The following CNTLN variants were observed in gnomAD, a reference collection of about 807,000 sequenced individuals.
CNTLN encodes centlein, centrosomal protein.
A neutral mutation model predicts 180.0 loss-of-function variants in CNTLN; 212 were observed. The ratio of observed to expected loss-of-function variants is 1.18; its 90% CI spans 1.05 to 1.32. The LOEUF (loss-of-function observed/expected upper bound fraction) is 1.32, where lower values mean the gene tolerates loss of function less well. Among genes scored for constraint, CNTLN ranks in the 40% most tolerant of loss-of-function variants. The probability of loss-of-function intolerance (pLI) is 0.00; values close to 1 mark genes in which losing one functional copy is unlikely to be tolerated. For synonymous variants in CNTLN, 722 were observed against 563.1 expected (o/e 1.28, Z -3.99); for missense variants, 2,095 against 1,610.9 (o/e 1.30, Z -5.14).
At position 17,502,684 on chromosome 9, in the gene CNTLN, A is replaced by G; in HGVS notation, c.*32A>G. 1.1e-6 allele frequency: 1 copy of G among 879,802 alleles called. No homozygotes were observed. Among genetic ancestry groups the G allele is most frequent in the Non-Finnish European group, 1.7e-6 (1 of 587,062 alleles). The allele number at this position is 879,802 out of a possible 1,614,324, so 54.5% of individuals were successfully genotyped here. On this transcript the variant is annotated 3_prime_UTR_variant, in exon 26 of 26. Coordinates refer to ENST00000380647, the MANE Select transcript of CNTLN (RefSeq NM_017738.4). ...AATGGAGAGCTTTATTGCAAATGTGAAAACTTTTTATGTGGTGTGATTGGA... is the reference window on the plus strand; with the variant it reads ...AATGGAGAGCTTTATTGCAAATGTGGAAACTTTTTATGTGGTGTGATTGGA...
intron 7 of CNTLN, chr9:17,298,962 G>C (rs1818147217): frequency 1.0e-6 from 1 of 984,412 alleles, no homozygotes; most frequent in Non-Finnish European, 1.2e-6. Context: ...TACCTTTATT[G>C]GCCGGGCATG....
intron 2 of CNTLN, among the ~76,000 whole-genome samples, chr9:17,177,680 T>A (rs932305586): frequency 6.6e-6 from 1 of 151,060 alleles, no homozygotes; most frequent in Non-Finnish European, 1.5e-5. Flanking sequence ...ACATCCGGAG[T>A]TGTTCGTTCC....
At chr9:17,364,430 A>G (rs1331639675) in intron 12 of CNTLN, among the ~76,000 whole-genome samples, 1 of 151,682 alleles carries the variant, frequency 6.6e-6, no homozygotes, top group East Asian at 1.9e-4. Context: ...ATTAATTTTC[A>G]TTGCTTTATT....
chr9:17,291,265 A>T (rs34256131), intron 6 of CNTLN, among the ~76,000 whole-genome samples: 2 of 152,048 alleles, frequency 1.3e-5, no homozygotes, highest in East Asian at 3.9e-4. Flanking sequence ...TGTGTCGCCA[A>T]GAAGAATATA....
intron 23 of CNTLN, among the ~76,000 whole-genome samples, chr9:17,476,378 A>G (rs576467594): frequency 3.9e-5 from 6 of 152,306 alleles, no homozygotes; most frequent in African/African-American, 1.2e-4. Flanking sequence ...AAATGAAGGG[A>G]AGAATCACAT....
At chr9:17,282,906 G>T (rs1160477014) in intron 6 of CNTLN, among the ~76,000 whole-genome samples, 2 of 152,000 alleles carry the variant, frequency 1.3e-5, no homozygotes, top group Non-Finnish European at 2.9e-5. Context: ...GTAGATGTGC[G>T]GTCTTATTTC....
chr9:17,342,050 T>C (rs1267850558), intron 11 of CNTLN, among the ~76,000 whole-genome samples: 2 of 152,158 alleles, frequency 1.3e-5, no homozygotes, highest in Non-Finnish European at 1.5e-5. Context: ...AGTGTCTGTT[T>C]TCATTACTAC....
At chr9:17,237,129 A>G (rs1825193933) in intron 5 of CNTLN, among the ~76,000 whole-genome samples, 1 of 151,730 alleles carries the variant, frequency 6.6e-6, no homozygotes, top group South Asian at 2.2e-4. Flanking sequence ...TTATAATCTT[A>G]TACCCTTTTT....
At chr9:17,474,899 C>A (rs1487208506) in intron 23 of CNTLN, among the ~76,000 whole-genome samples, 1 of 151,416 alleles carries the variant, frequency 6.6e-6, no homozygotes, top group African/African-American at 2.4e-5. Context: ...TATCCAATTA[C>A]TCCCTTACTC....
intron 5 of CNTLN, among the ~76,000 whole-genome samples, chr9:17,256,223 T>C (rs1305042008): frequency 6.6e-6 from 1 of 151,942 alleles, no homozygotes; most frequent in Non-Finnish European, 1.5e-5. Flanking sequence ...CAAATACATG[T>C]GTGTTTTTGG....
chr9:17,458,229 A>AG, intron 19 of CNTLN, among the ~76,000 whole-genome samples: 1 of 151,922 alleles, frequency 6.6e-6, no homozygotes, highest in Non-Finnish European at 1.5e-5. Flanking sequence ...GAGAAAAAAA[A>AG]AAAAAGAATC....
intron 2 of CNTLN, among the ~76,000 whole-genome samples, chr9:17,169,595 T>C (rs1384266220): frequency 6.6e-6 from 1 of 152,138 alleles, no homozygotes; most frequent in African/African-American, 2.4e-5. Context: ...AAGATAAGGG[T>C]CCAATTTTAT....
chr9:17,412,221 G>A (rs1006814354), intron 16 of CNTLN, among the ~76,000 whole-genome samples: 3 of 152,136 alleles, frequency 2.0e-5, no homozygotes, highest in Non-Finnish European at 4.4e-5. Context: ...GTAATTAGAT[G>A]GTGTGCTCCT....
intron 2 of CNTLN, among the ~76,000 whole-genome samples, chr9:17,207,526 C>G (rs1342726003): frequency 6.6e-6 from 1 of 152,138 alleles, no homozygotes; most frequent in Non-Finnish European, 1.5e-5. Flanking sequence ...CTGCAAAAAC[C>G]GTGGGAAAAT....
chr9:17,451,186 A>T (rs890693553), intron 18 of CNTLN, among the ~76,000 whole-genome samples: 3 of 152,148 alleles, frequency 2.0e-5, no homozygotes, highest in African/African-American at 7.2e-5. Flanking sequence ...CATTAAGATT[A>T]TGGTGACTTT....
chr9:17,438,490 T>C (rs1477572049), intron 18 of CNTLN, among the ~76,000 whole-genome samples: 1 of 152,160 alleles, frequency 6.6e-6, no homozygotes, highest in Non-Finnish European at 1.5e-5. Flanking sequence ...AGAATTGTAT[T>C]TGTGACAATG....
intron 8 of CNTLN, among the ~76,000 whole-genome samples, chr9:17,314,269 C>T (rs1274913780): frequency 6.6e-6 from 1 of 151,970 alleles, no homozygotes; most frequent in South Asian, 2.1e-4. Context: ...ATTGTTTTCC[C>T]TTTTCTTTTG....
intron 2 of CNTLN, among the ~76,000 whole-genome samples, chr9:17,205,800 C>T (rs889400116): frequency 6.6e-6 from 1 of 152,192 alleles, no homozygotes; most frequent in Non-Finnish European, 1.5e-5. Context: ...ACCATTATCA[C>T]TGTTTTCCAT....
intron 15 of CNTLN, among the ~76,000 whole-genome samples, chr9:17,403,454 A>C (rs1001990852): frequency 1.3e-5 from 2 of 151,328 alleles, no homozygotes; most frequent in South Asian, 4.2e-4. Context: ...TGCAAATCCC[A>C]AAAAAAAGCT....
Sources: allele counts gnomAD v4.1 joint callset (sites outside exome capture counted in the v4.1 genomes callset), GRCh38; gene constraint gnomAD v4.1.1; transcripts MANE v1.5; gene names NCBI Gene and HGNC (gene_info 2026-07-23, HGNC 2026-07-21).